INTS2: variants seen among roughly 807,000 people sequenced by gnomAD.
INTS2 encodes integrator complex subunit 2.
Under a neutral mutation model 139.6 loss-of-function variants are expected in INTS2, and 57 were observed. The observed-to-expected ratio is 0.41, with a 90% CI of 0.33 to 0.51. The LOEUF is 0.51. INTS2 is among the 20% of genes least tolerant of loss of function. The pLI, the probability that INTS2 is intolerant of heterozygous loss-of-function variation, is 0.28. For missense variants in INTS2, 1,196 were observed against 1,436.7 expected, an observed-to-expected ratio of 0.83 and a Z score of 2.71; for synonymous variants, 473 against 493.4, an observed-to-expected ratio of 0.96 and a Z score of 0.55.
intron 16 of INTS2, among the ~76,000 whole-genome samples, chr17:61,881,743 A>C (rs2079180407): frequency 6.6e-6 from 1 of 152,226 alleles, no homozygotes; most frequent in South Asian, 2.1e-4. Context: ...GTGCATGCAA[A>C]CTACAGTTTA....
chr17:61,907,723 C>G (rs1172969711), intron 7 of INTS2, 89 bp from the exon 8 acceptor site: 8 of 993,452 alleles, frequency 8.1e-6, no homozygotes, highest in African/African-American at 1.6e-5. Context: ...CACTTAAACA[C>G]TTTCAAATTG....
rs140180660 is a variant in INTS2 at position 61,882,601 on chromosome 17, C to T, written c.2090-1430G>A. Among the ~76,000 whole-genome samples, 611 of 152,164 alleles carry T rather than the reference C, an allele frequency of 4.0e-3. 2 individuals are homozygous for T. Among genetic ancestry groups the T allele is most frequent in the African/African-American group, 0.013 (555 of 41,520 alleles). On this transcript the variant is annotated intron_variant, in intron 16 of 24. Transcript: ENST00000251334. The surrounding 1 kb of genome is among the most constrained non-coding windows in gnomAD (Gnocchi z 4.7). The stretch of plus-strand genomic sequence containing the variant: ...AAAATTAGCCAGGCGTGGTGGCACA[C>T]GCCTGTAATCCTGGCTACTTGGGAG...
chr17:61,876,546 G>A lies in INTS2; in HGVS notation c.2456+1341C>T, dbSNP rs542404422. Among the ~76,000 whole-genome samples the A allele has an allele frequency of 1.3e-5, 2 of 151,918 alleles. No homozygotes were observed. Among genetic ancestry groups the A allele is most frequent in the African/African-American group, 2.4e-5 (1 of 41,458 alleles). ...CTCCATCTCCTGGGCTCAAGCGATC[G>A]TCCTGCCTCAGCCCACCAAGTAGCT... On this transcript the variant is annotated intron_variant, in intron 18 of 24. Coordinates refer to ENST00000251334, the MANE Select transcript of INTS2 (RefSeq NM_001351695.2). This position sits in a 1 kb window ranked among gnomAD's most constrained non-coding sequence, Gnocchi z 4.1.
At chr17:61,905,688 CT>C (rs1229254498) in intron 8 of INTS2, among the ~76,000 whole-genome samples, 2 of 151,652 alleles carry the variant, frequency 1.3e-5, no homozygotes, top group African/African-American at 2.4e-5. Context: ...CCTTTGCCTC[CT>C]TTTTTTTATG....
At chr17:61,895,536 T>TA (rs2079338588) in intron 11 of INTS2, among the ~76,000 whole-genome samples, 153 bp from the exon 12 acceptor site, 2 of 152,148 alleles carry the variant, frequency 1.3e-5, no homozygotes, top group African/African-American at 2.4e-5. Flanking sequence ...AACCCAACAT[T>TA]AAAGTGTTAA....
intron 5 of INTS2, among the ~76,000 whole-genome samples, chr17:61,917,175 A>G (rs2079591468): frequency 6.6e-6 from 1 of 152,192 alleles, no homozygotes. Flanking sequence ...GAACACTTAC[A>G]CATTGTTGGT....
intron 9 of INTS2, among the ~76,000 whole-genome samples, chr17:61,899,297 C>A (rs2079380960): frequency 6.6e-6 from 1 of 152,128 alleles, no homozygotes; most frequent in Admixed American, 6.5e-5. Context: ...GTTGCCCAGG[C>A]TGGAGTGCAA....
chr17:61,880,889 A>G, intron 17 of INTS2, 118 bp downstream of exon 17: 1 of 803,470 alleles, frequency 1.2e-6, no homozygotes, highest in East Asian at 2.6e-5. Context: ...CTTAAAATAC[A>G]TTCACCAAAA....
intron 5 of INTS2, among the ~76,000 whole-genome samples, chr17:61,915,655 TAA>T (rs61632097): frequency 1.7e-3 from 221 of 130,108 alleles, no homozygotes; most frequent in Non-Finnish European, 1.8e-3. Flanking sequence ...TGTCTCTAAT[TAA>T]AAAAAAAAAA....
chr17:61,925,395 A>G (rs2079699703), intron 2 of INTS2, among the ~76,000 whole-genome samples: 1 of 151,824 alleles, frequency 6.6e-6, no homozygotes, highest in Non-Finnish European at 1.5e-5. Context: ...CCTGGCCAAT[A>G]TGGTGAAACC....
chr17:61,908,773 T>C (rs2079492785), intron 7 of INTS2, among the ~76,000 whole-genome samples: 1 of 148,760 alleles, frequency 6.7e-6, no homozygotes, highest in African/African-American at 2.4e-5. Flanking sequence ...ATATGAAGCA[T>C]CCAATAAATA....
chr17:61,877,363 T>C (rs2079135477), intron 18 of INTS2, among the ~76,000 whole-genome samples: 1 of 152,184 alleles, frequency 6.6e-6, no homozygotes, highest in Non-Finnish European at 1.5e-5. Context: ...TCTAGACCTG[T>C]CCAGGTGTTA....
At position 61,893,277 on chromosome 17, in the gene INTS2, C is replaced by T. The variant is rs2079314547; in HGVS notation, c.1698+488G>A. 6.6e-6 allele frequency among the ~76,000 whole-genome samples: 1 copy of T among 151,984 alleles called. No individual in the cohort carries two copies. Among genetic ancestry groups the T allele is most frequent in the African/African-American group, 2.4e-5 (1 of 41,352 alleles). Reference sequence around the variant, plus strand: ...TAATTATAATTACTATCCCTAATTACTATACTTATATAAATGACTAGTAAC... The same window carrying T: ...TAATTATAATTACTATCCCTAATTATTATACTTATATAAATGACTAGTAAC... On this transcript the variant is annotated intron_variant, in intron 13 of 24. Transcript: ENST00000251334. The surrounding 1 kb of genome is among the most constrained non-coding windows in gnomAD (Gnocchi z 5.4).
intron 2 of INTS2, 59 bp from the exon 3 acceptor site, chr17:61,925,158 A>G: frequency 6.9e-7 from 1 of 1,445,226 alleles, no homozygotes; most frequent in East Asian, 2.3e-5. Flanking sequence ...ATAATTGCAT[A>G]AAAATTATCT....
At chr17:61,925,454 G>A (rs1399886982) in intron 2 of INTS2, among the ~76,000 whole-genome samples, 1 of 152,000 alleles carries the variant, frequency 6.6e-6, no homozygotes, top group Admixed American at 6.6e-5. Context: ...GCGCGTGCCT[G>A]TAGTCCCATC....
At chr17:61,904,942 C>T (rs1196252877) in intron 8 of INTS2, among the ~76,000 whole-genome samples, 1 of 144,638 alleles carries the variant, frequency 6.9e-6, no homozygotes, top group Admixed American at 7.3e-5. Context: ...GATTATAATG[C>T]ATAATTTTTT....
intron 1 of INTS2, 35 bp from the exon 2 acceptor site, chr17:61,926,697 A>T: frequency 6.6e-7 from 1 of 1,516,884 alleles, no homozygotes. Context: ...GTAGGAGTTT[A>T]ACTTTCACAT....
chr17:61,924,879 T>A, intron 3 of INTS2, 82 bp downstream of exon 3: 1 of 1,414,158 alleles, frequency 7.1e-7, no homozygotes, highest in Non-Finnish European at 9.8e-7. Context: ...CCTGCCTGAC[T>A]TCTTGTCTCT....
rs1407730182 is a variant in INTS2 at position 61,875,253 on chromosome 17, A to G, written c.2457-215T>C. Reference sequence around the variant, plus strand: ...AACAGTAAACACAAAGTAGTTTCAGAAACGTTCACAGTTGTAATGGAATAA... The same window carrying G: ...AACAGTAAACACAAAGTAGTTTCAGGAACGTTCACAGTTGTAATGGAATAA... On this transcript the variant is annotated intron_variant, in intron 18 of 24. Transcript: ENST00000251334. The surrounding 1 kb of genome is among the most constrained non-coding windows in gnomAD (Gnocchi z 4.6). 4.6e-5 allele frequency among the ~76,000 whole-genome samples: 7 copies of G among 152,234 alleles called. No homozygotes were observed. The highest frequency in any genetic ancestry group is 1.0e-4 in the Non-Finnish European group (7 of 68,018).
Sources: allele counts gnomAD v4.1 joint callset (sites outside exome capture counted in the v4.1 genomes callset), GRCh38; gene constraint gnomAD v4.1.1; non-coding constraint Gnocchi (gnomAD v3.1); transcripts MANE v1.5; gene names NCBI Gene and HGNC (gene_info 2026-07-23, HGNC 2026-07-21).